The following YWHAH variants were observed in gnomAD, a reference collection of about 807,000 sequenced individuals.
YWHAH encodes the protein 14-3-3 protein eta.
YWHAH carries 6 observed loss-of-function variants against 22.9 expected under a neutral mutation model. That is an observed-to-expected ratio of 0.26 (90% CI 0.14 to 0.52). YWHAH has a LOEUF of 0.52. YWHAH is among the 20% of genes least tolerant of loss of function. The probability of loss-of-function intolerance (pLI) is 0.97; values close to 1 mark genes in which losing one functional copy is unlikely to be tolerated. For synonymous variants in YWHAH, 135 were observed against 124.5 expected (o/e 1.08, Z -0.56); for missense variants, 173 against 308.6 (o/e 0.56, Z 3.29).
intron 1 of YWHAH, among the ~76,000 whole-genome samples, chr22:31,952,982 C>G (rs906489035): frequency 6.6e-6 from 1 of 152,224 alleles, no homozygotes; most frequent in Non-Finnish European, 1.5e-5. Flanking sequence ...ATAGCTAGCT[C>G]AGACTAAACT....
chr22:31,954,288 C>T (rs147025932), intron 1 of YWHAH, among the ~76,000 whole-genome samples: 2 of 152,000 alleles, frequency 1.3e-5, no homozygotes, highest in African/African-American at 4.8e-5. Context: ...AAATTAAAGA[C>T]CTTTTGGATA....
Position 31,956,797 on chromosome 22 carries a change from C to T in YWHAH, c.*5C>T. On this transcript the variant is annotated 3_prime_UTR_variant, in exon 2 of 2. Coordinates refer to ENST00000248975, the MANE Select transcript of YWHAH (RefSeq NM_003405.4). The surrounding 1 kb of genome is among the most constrained non-coding windows in gnomAD (Gnocchi z 5.1). The stretch of plus-strand genomic sequence containing the variant: ...GAAGCAGGAGAAGGCAACTGAAGAT[C>T]CTTCAGGTCCCCTGGCCCTTCCTTC... The T allele has an allele frequency of 4.4e-6, 7 of 1,576,170 alleles. No individual in the cohort carries two copies. Among genetic ancestry groups the T allele is most frequent in the Non-Finnish European group, 6.0e-6 (7 of 1,160,798 alleles).
At chr22:31,947,485 G>C (rs1367147725) in intron 1 of YWHAH, 1 of 471,096 alleles carries the variant, frequency 2.1e-6, no homozygotes, top group Non-Finnish European at 4.4e-6. Flanking sequence ...GGACAGTGTT[G>C]GTAAGCTTGA....
chr22:31,945,313 G>C, intron 1 of YWHAH: 2 of 1,208,372 alleles, frequency 1.7e-6, no homozygotes, highest in Non-Finnish European at 2.1e-6. Flanking sequence ...TGCTCTGCTC[G>C]TTCGAATTGT....
chr22:31,951,804 G>T (rs747149205), intron 1 of YWHAH, among the ~76,000 whole-genome samples: 1 of 152,192 alleles, frequency 6.6e-6, no homozygotes, highest in Non-Finnish European at 1.5e-5. Flanking sequence ...TGGTCAGGAC[G>T]TGAGTAAAAC....
chr22:31,945,072 C>G, intron 1 of YWHAH: 1 of 1,096,530 alleles, frequency 9.1e-7, no homozygotes, highest in Non-Finnish European at 1.1e-6. Context: ...GGAAGGGGGG[C>G]GGGCCGGTCG....
intron 1 of YWHAH, among the ~76,000 whole-genome samples, chr22:31,954,060 A>G (rs1466344211): frequency 6.6e-6 from 1 of 152,228 alleles, no homozygotes; most frequent in Non-Finnish European, 1.5e-5. Context: ...AATTCCCCAA[A>G]TAAACCATCA....
In YWHAH at chr22:31,957,272, T is replaced by A. The variant is rs2093850841; in HGVS notation, c.*480T>A. On this transcript the variant is annotated 3_prime_UTR_variant, in exon 2 of 2. Transcript: ENST00000248975. ...AAGCTGATACAGAGAGACAACTTGC[T>A]CCTTTCCATCAGCTTTATAATAAAC... The A allele has an allele frequency of 6.4e-6, 1 of 155,662 alleles. No individual in the cohort carries two copies. The highest frequency in any genetic ancestry group is 1.4e-5 in the Non-Finnish European group (1 of 69,940). The allele number at this position is 155,662 out of a possible 1,614,324, so 9.6% of individuals were successfully genotyped here. A position where few individuals can be genotyped will look rare whatever the true frequency, so the allele number is the denominator to read the frequency against.
chr22:31,951,242 C>T (rs552884028), intron 1 of YWHAH, among the ~76,000 whole-genome samples: 145 of 152,260 alleles, frequency 9.5e-4, no homozygotes, highest in Non-Finnish European at 1.6e-3. Context: ...CACACATACA[C>T]GTACACACAC....
intron 1 of YWHAH, chr22:31,945,136 G>T (rs1257974193): frequency 8.3e-6 from 9 of 1,087,832 alleles, no homozygotes; most frequent in Non-Finnish European, 1.0e-5. Flanking sequence ...TGCCCTAGGG[G>T]ACGCGAAGGA....
chr22:31,951,358 T>G (rs1476426423), intron 1 of YWHAH, among the ~76,000 whole-genome samples: 1 of 152,142 alleles, frequency 6.6e-6, no homozygotes, highest in Non-Finnish European at 1.5e-5. Flanking sequence ...CATGTAGGTG[T>G]GGGTAGCTAT....
chr22:31,956,166 A>C lies in YWHAH; in HGVS notation c.115A>C (p.Asn39His). ...AVTELNEPLSNEDRNLLSVAY... is the reference protein window; with the variant it reads ...AVTELNEPLSHEDRNLLSVAY... ...GACAGAGCTGAATGAACCTCTCTCCAATGAAGATCGAAATCTCCTCTCTGT... is the reference window on the plus strand; with the variant it reads ...GACAGAGCTGAATGAACCTCTCTCCCATGAAGATCGAAATCTCCTCTCTGT... Residue 39 changes from asparagine to histidine, a missense_variant, in exon 2 of 2, where the codon AAT (asparagine) becomes CAT (histidine). By Grantham distance (68) the Asn-to-His change is moderately conservative (BLOSUM62 1). Coordinates refer to ENST00000248975, the MANE Select transcript of YWHAH (RefSeq NM_003405.4). This position sits in a 1 kb window ranked among gnomAD's most constrained non-coding sequence, Gnocchi z 5.1. 6.2e-7 allele frequency: 1 copy of C among 1,613,186 alleles called. No homozygotes were observed. The highest frequency in any genetic ancestry group is 1.7e-4 in the Middle Eastern group (1 of 6,056).
intron 1 of YWHAH, chr22:31,950,532 A>G: frequency 1.7e-6 from 1 of 590,346 alleles, no homozygotes; most frequent in Non-Finnish European, 3.1e-6. Flanking sequence ...ATGGTGTTGT[A>G]TTTAATCCTT....
Position 31,955,167 on chromosome 22 carries a change from T to C in YWHAH, c.88-972T>C, listed in dbSNP as rs11702905. Among the ~76,000 whole-genome samples the C allele has an allele frequency of 5.4e-3, 819 of 152,338 alleles. 1 individual carries two copies. The highest frequency in any genetic ancestry group is 9.8e-3 in the Non-Finnish European group (664 of 68,036). On this transcript the variant is annotated intron_variant, in intron 1 of 1. Coordinates refer to ENST00000248975, the MANE Select transcript of YWHAH (RefSeq NM_003405.4). ...TCACTAGGAGCTGGGGGTACTTTCA[T>C]GTCACTTATGAATTGTTCTTCATTT...
intron 1 of YWHAH, chr22:31,947,390 G>GT (rs1184058466): frequency 2.1e-6 from 1 of 468,408 alleles, no homozygotes; most frequent in Admixed American, 2.4e-5. Flanking sequence ...CTTGTTTTCT[G>GT]TTTCCTTCAT....
At chr22:31,945,246 C>T (rs2093832190) in intron 1 of YWHAH, 5 of 1,144,682 alleles carry the variant, frequency 4.4e-6, no homozygotes, top group Admixed American at 4.0e-5. Context: ...GTAAGTGGCG[C>T]CCTGTCTCAG....
intron 1 of YWHAH, among the ~76,000 whole-genome samples, chr22:31,953,286 T>C (rs2149468283): frequency 6.6e-6 from 1 of 152,358 alleles, no homozygotes; most frequent in Non-Finnish European, 1.5e-5. Flanking sequence ...TTTTATTGAA[T>C]ATTGCTCTAG....
chr22:31,945,726 A>G, intron 1 of YWHAH: 2 of 1,210,496 alleles, frequency 1.7e-6, no homozygotes, highest in Non-Finnish European at 1.1e-6. Context: ...CAGTGGTAGA[A>G]CAACTGCGAC....
intron 1 of YWHAH, chr22:31,945,654 C>G (rs1440098972): frequency 1.6e-6 from 2 of 1,283,514 alleles, no homozygotes; most frequent in African/African-American, 1.5e-5. Flanking sequence ...ATCTCACTCT[C>G]TCTCCACGTT....
Sources: allele counts gnomAD v4.1 joint callset (sites outside exome capture counted in the v4.1 genomes callset), GRCh38; gene constraint gnomAD v4.1.1; non-coding constraint Gnocchi (gnomAD v3.1); transcripts MANE v1.5; gene names NCBI Gene and HGNC (gene_info 2026-07-23, HGNC 2026-07-21).